Variants in ZSWIM5 observed in about 807,000 individuals in gnomAD.
ZSWIM5 encodes the protein zinc finger SWIM domain-containing protein 5.
A neutral mutation model predicts 119.6 loss-of-function variants in ZSWIM5; 55 were observed. That is an observed-to-expected ratio of 0.46 (90% CI 0.37 to 0.58). The LOEUF (loss-of-function observed/expected upper bound fraction) is 0.58. Ranked by LOEUF, ZSWIM5 falls within the 20% of genes least tolerant of loss-of-function variation. ZSWIM5 has a pLI of 0.00. For missense variants in ZSWIM5, 1,193 were observed against 1,512.8 expected (o/e 0.79, Z 3.51); for synonymous variants, 537 against 606.9 (o/e 0.88, Z 1.69).
intron 1 of ZSWIM5, among the ~76,000 whole-genome samples, chr1:45,137,001 C>A (rs1194271084): frequency 6.6e-6 from 1 of 152,142 alleles, no homozygotes; most frequent in Non-Finnish European, 1.5e-5. Context: ...AAATGTTGGG[C>A]TCACCTCTCT....
rs372992808 is a variant in ZSWIM5 at position 45,019,263 on chromosome 1, T to C, written c.2749A>G (p.Thr917Ala). The C allele has an allele frequency of 6.2e-7, 1 of 1,613,526 alleles. No individual in the cohort carries two copies. Among genetic ancestry groups the C allele is most frequent in the Non-Finnish European group, 8.5e-7 (1 of 1,179,984 alleles). ...GCAGCTACAATACTAGTAGCCTCAG[T>C]AGGGGTGAAGAGTGTGTACCAGCTC... ...LQSWYTLFTP[T>A]EATSIVAATA... The change falls in exon 14 of 14, where the codon ACT (threonine) becomes GCT (alanine). Residue 917 changes from threonine to alanine, a missense_variant. Physicochemically the swap from Thr to Ala is moderately conservative, Grantham distance 58. Transcript: ENST00000359600. This position sits in a 1 kb window ranked among gnomAD's most constrained non-coding sequence, Gnocchi z 5.0.
chr1:45,140,572 A>G (rs1645720478), intron 1 of ZSWIM5, among the ~76,000 whole-genome samples: 1 of 152,230 alleles, frequency 6.6e-6, no homozygotes, highest in South Asian at 2.1e-4. Context: ...AAACACAACC[A>G]TATCAACAAC....
At chr1:45,047,105 A>G (rs1040390630) in intron 5 of ZSWIM5, among the ~76,000 whole-genome samples, 1 of 151,998 alleles carries the variant, frequency 6.6e-6, no homozygotes, top group Non-Finnish European at 1.5e-5. Flanking sequence ...AATGGGGTAG[A>G]GACAGTAAAG....
chr1:45,052,123 G>A (rs1198019102), intron 4 of ZSWIM5, among the ~76,000 whole-genome samples: 1 of 149,098 alleles, frequency 6.7e-6, no homozygotes, highest in Non-Finnish European at 1.5e-5. Context: ...CAGCCTCAGC[G>A]CCCCCCCTCG....
At chr1:45,129,690 G>A (rs1290993492) in intron 1 of ZSWIM5, among the ~76,000 whole-genome samples, 1 of 151,962 alleles carries the variant, frequency 6.6e-6, no homozygotes, top group Non-Finnish European at 1.5e-5. Context: ...AAAGTCTTTT[G>A]AACAAATGAT....
At chr1:45,062,988 A>G (rs1024380733) in intron 2 of ZSWIM5, among the ~76,000 whole-genome samples, 7 of 152,070 alleles carry the variant, frequency 4.6e-5, no homozygotes, top group African/African-American at 1.7e-4. Context: ...TCTCCTCTCG[A>G]GGAGTTCCCA....
intron 1 of ZSWIM5, among the ~76,000 whole-genome samples, chr1:45,114,444 C>T (rs1233045043): frequency 1.3e-5 from 2 of 152,104 alleles, no homozygotes; most frequent in East Asian, 3.8e-4. Flanking sequence ...ATCATAAATG[C>T]ACATGTATTT....
At chr1:45,068,866 T>C (rs1260135308) in intron 2 of ZSWIM5, among the ~76,000 whole-genome samples, 1 of 148,296 alleles carries the variant, frequency 6.7e-6, no homozygotes, top group Non-Finnish European at 1.5e-5. Context: ...AGTGGTGCCA[T>C]TGTAGCTTGC....
chr1:45,170,820 A>T (rs1321904095), intron 1 of ZSWIM5, among the ~76,000 whole-genome samples: 1 of 151,958 alleles, frequency 6.6e-6, no homozygotes, highest in African/African-American at 2.4e-5. Flanking sequence ...TCTTGGCCTC[A>T]AGTGATCCTC....
At chr1:45,084,333 C>T (rs909918854) in intron 2 of ZSWIM5, among the ~76,000 whole-genome samples, 12 of 152,292 alleles carry the variant, frequency 7.9e-5, no homozygotes, top group African/African-American at 2.6e-4. Context: ...GTGGGGATTA[C>T]AAATTCAATA....
rs1486921786 is a variant in ZSWIM5 at position 45,180,785 on chromosome 1, C to T, written c.595+24971G>A. 8.5e-5 allele frequency among the ~76,000 whole-genome samples: 13 copies of T among 152,204 alleles called. No individual in the cohort carries two copies. In the East Asian group the frequency reaches 1.4e-3, roughly 16 times the overall value. ...AGCATTCACGGATCACGAAAATCTG[C>T]GGTTCTGCAGACACCGCTGCTGATA... On this transcript the variant is annotated intron_variant, in intron 1 of 13. Coordinates refer to ENST00000359600, the MANE Select transcript of ZSWIM5 (RefSeq NM_020883.2).
chr1:45,205,055 G>C (rs760374225), intron 1 of ZSWIM5, among the ~76,000 whole-genome samples: 1 of 151,354 alleles, frequency 6.6e-6, no homozygotes, highest in African/African-American at 2.4e-5. Context: ...AAAACCCAGC[G>C]TGACCAGCTT....
intron 2 of ZSWIM5, among the ~76,000 whole-genome samples, chr1:45,085,464 T>C (rs755599569): frequency 6.6e-6 from 1 of 152,168 alleles, no homozygotes; most frequent in Non-Finnish European, 1.5e-5. Flanking sequence ...GGCTGAAAAT[T>C]TTCCAAACTT....
intron 5 of ZSWIM5, among the ~76,000 whole-genome samples, chr1:45,049,341 G>A (rs578203788): frequency 6.6e-6 from 1 of 152,242 alleles, no homozygotes; most frequent in South Asian, 2.1e-4. Flanking sequence ...ATGTAGAAAT[G>A]ACTATGAAGA....
intron 1 of ZSWIM5, among the ~76,000 whole-genome samples, chr1:45,103,025 G>A (rs189992819): frequency 6.6e-6 from 1 of 151,838 alleles, no homozygotes; most frequent in Non-Finnish European, 1.5e-5. Context: ...CCAATACCTG[G>A]CTAATTATTA....
At chr1:45,117,629 C>T (rs994314030) in intron 1 of ZSWIM5, among the ~76,000 whole-genome samples, 1 of 152,132 alleles carries the variant, frequency 6.6e-6, no homozygotes, top group Non-Finnish European at 1.5e-5. Context: ...CCATATTATG[C>T]CACTGCACTC....
chr1:45,085,269 G>C (rs984272079), intron 2 of ZSWIM5, among the ~76,000 whole-genome samples: 7 of 152,320 alleles, frequency 4.6e-5, no homozygotes, highest in Non-Finnish European at 8.8e-5. Context: ...GGAGCCCTGG[G>C]CCTGGCCTAT....
intron 1 of ZSWIM5, among the ~76,000 whole-genome samples, chr1:45,118,809 A>G (rs1291698658): frequency 1.3e-5 from 2 of 152,094 alleles, no homozygotes; most frequent in East Asian, 3.8e-4. Context: ...TCACTTATCC[A>G]ATATTTATTG....
At chr1:45,148,423 A>C (rs1645776348) in intron 1 of ZSWIM5, among the ~76,000 whole-genome samples, 1 of 152,188 alleles carries the variant, frequency 6.6e-6, no homozygotes. Flanking sequence ...CTTGAAGAAA[A>C]ACACAATGCA....
Sources: allele counts gnomAD v4.1 joint callset (sites outside exome capture counted in the v4.1 genomes callset), GRCh38; gene constraint gnomAD v4.1.1; non-coding constraint Gnocchi (gnomAD v3.1); transcripts MANE v1.5; gene names NCBI Gene and HGNC (gene_info 2026-07-23, HGNC 2026-07-21).